Variants in SCRG1 observed in about 807,000 individuals in gnomAD.
SCRG1 encodes the protein stimulator of chondrogenesis 1.
In SCRG1, 3 loss-of-function variants were observed where a neutral mutation model predicts 7.7. That is an observed-to-expected ratio of 0.39 (90% CI 0.18 to 1.01). The LOEUF is 1.01. Among genes scored for constraint, SCRG1 ranks in the 50% least tolerant of loss-of-function variants. The probability of loss-of-function intolerance (pLI) is 0.36; values close to 1 mark genes in which losing one functional copy is unlikely to be tolerated. For synonymous variants in SCRG1, 46 were observed against 41.2 expected, an observed-to-expected ratio of 1.12 and a Z score of -0.44; for missense variants, 110 against 117.2, an observed-to-expected ratio of 0.94 and a Z score of 0.28.
At chr4:173,490,259 C>A in the SCRG1 span, among the ~76,000 whole-genome samples, 1 of 152,192 alleles carries the variant, frequency 6.6e-6, no homozygotes, top group Non-Finnish European at 1.5e-5. Context: ...TAAATCACTT[C>A]CCAAAGTGTC....
chr4:173,443,769 C>T, the SCRG1 span, among the ~76,000 whole-genome samples: 1 of 152,264 alleles, frequency 6.6e-6, no homozygotes, highest in Non-Finnish European at 1.5e-5. Flanking sequence ...TGAGCTCAAA[C>T]AGTCCTCCAC....
Position 173,387,267 on chromosome 4 carries a change from G to A in SCRG1, c.*1074C>T, listed in dbSNP as rs550785651. 4.2e-4 allele frequency: 64 copies of A among 152,270 alleles called. No homozygotes were observed. The highest frequency in any genetic ancestry group is 1.4e-3 in the African/African-American group (60 of 41,566). The allele number at this position is 152,270 out of a possible 1,614,324, so 9.4% of individuals were successfully genotyped here. ...AAACTTGAGTTAGCAGCTGAAAAAT[G>A]GGGCTGAGAATATTTACCTTGAAGG... is the stretch of plus-strand genomic sequence containing the variant. On this transcript the variant is annotated 3_prime_UTR_variant, in exon 3 of 3. Transcript: ENST00000296506.
the SCRG1 span, among the ~76,000 whole-genome samples, chr4:173,483,346 TGA>T: frequency 4.7e-5 from 2 of 42,582 alleles, no homozygotes; most frequent in African/African-American, 1.5e-4. Flanking sequence ...ATATTACATA[TGA>T]TATATTATAT....
At chr4:173,454,027 G>A in the SCRG1 span, among the ~76,000 whole-genome samples, 3 of 150,046 alleles carry the variant, frequency 2.0e-5, no homozygotes, top group African/African-American at 2.5e-5. Flanking sequence ...GCACTGAGCC[G>A]AGATCGTGCC....
chr4:173,446,682 A>G, the SCRG1 span: 2 of 152,232 alleles, frequency 1.3e-5, no homozygotes, highest in African/African-American at 4.8e-5. Flanking sequence ...CAATTTTAGT[A>G]TAAGTGCTGC....
At chr4:173,506,275 A>G in the SCRG1 span, among the ~76,000 whole-genome samples, 2 of 152,198 alleles carry the variant, frequency 1.3e-5, no homozygotes, top group African/African-American at 4.8e-5. This position sits in a 1 kb window ranked among gnomAD's most constrained non-coding sequence, Gnocchi z 5.3. Context: ...CAAAGTTTCA[A>G]TTCCTTAGAA....
the SCRG1 span, among the ~76,000 whole-genome samples, chr4:173,500,472 T>TTTTG: frequency 6.7e-6 from 1 of 150,122 alleles, no homozygotes; most frequent in African/African-American, 2.5e-5. Flanking sequence ...TTAGTAAATT[T>TTTTG]TGTGTGTGTG....
At chr4:173,518,268 C>T in the SCRG1 span, among the ~76,000 whole-genome samples, 2 of 152,150 alleles carry the variant, frequency 1.3e-5, no homozygotes, top group South Asian at 2.1e-4. Context: ...TGCCTCTCTC[C>T]CGGCCACTGC....
chr4:173,462,663 T>TAAC, the SCRG1 span, among the ~76,000 whole-genome samples: 2 of 152,246 alleles, frequency 1.3e-5, no homozygotes, highest in South Asian at 2.1e-4. Flanking sequence ...CAGAATATTA[T>TAAC]AACACTGTAA....
chr4:173,431,199 G>A, the SCRG1 span, among the ~76,000 whole-genome samples: 1 of 152,136 alleles, frequency 6.6e-6, no homozygotes, highest in African/African-American at 2.4e-5. Context: ...ATGGGCAAAG[G>A]GGTACTGCAT....
chr4:173,439,231 A>G, the SCRG1 span, among the ~76,000 whole-genome samples: 8 of 152,190 alleles, frequency 5.3e-5, no homozygotes, highest in Non-Finnish European at 1.2e-4. Context: ...AAATGATCCA[A>G]GAATAAACTT....
At chr4:173,507,479 G>C in the SCRG1 span, among the ~76,000 whole-genome samples, 10 of 152,310 alleles carry the variant, frequency 6.6e-5, no homozygotes, top group Admixed American at 4.6e-4. The surrounding 1 kb of genome is among the most constrained non-coding windows in gnomAD (Gnocchi z 4.4). Flanking sequence ...CAAAGTGCCA[G>C]GATTACAGGC....
chr4:173,447,880 G>C, the SCRG1 span, among the ~76,000 whole-genome samples: 1 of 152,080 alleles, frequency 6.6e-6, no homozygotes, highest in African/African-American at 2.4e-5. Context: ...CGAGGCAGGC[G>C]AATCACCTGA....
the SCRG1 span, among the ~76,000 whole-genome samples, chr4:173,484,143 A>T: frequency 6.3e-4 from 25 of 39,532 alleles, no homozygotes; most frequent in Non-Finnish European, 1.1e-3. Flanking sequence ...TATAATATAG[A>T]ATATAGAATA....
At chr4:173,517,876 A>G in the SCRG1 span, among the ~76,000 whole-genome samples, 357 of 152,362 alleles carry the variant, frequency 2.3e-3, 4 homozygotes, top group South Asian at 0.02. Flanking sequence ...GCAAAAGGCG[A>G]AAGCTCCCTC....
intron 1 of SCRG1, among the ~76,000 whole-genome samples, chr4:173,396,924 G>A (rs1277507686): frequency 6.6e-6 from 1 of 151,900 alleles, no homozygotes; most frequent in African/African-American, 2.4e-5. Flanking sequence ...GTGGTGTCAT[G>A]TGACTGTAGT....
chr4:173,407,653 A>G (rs1213014329), upstream of SCRG1, among the ~76,000 whole-genome samples: 6 of 152,252 alleles, frequency 3.9e-5, no homozygotes, highest in Non-Finnish European at 8.8e-5. Flanking sequence ...ATTATTTGTA[A>G]TAATCTAGCC....
At chr4:173,483,211 TC>T in the SCRG1 span, among the ~76,000 whole-genome samples, 1 of 51,902 alleles carries the variant, frequency 1.9e-5, no homozygotes, top group Non-Finnish European at 4.1e-5. Context: ...ATATGATATA[TC>T]ATATAATATA....
the SCRG1 span, among the ~76,000 whole-genome samples, chr4:173,463,841 T>C: frequency 6.6e-6 from 1 of 152,266 alleles, no homozygotes; most frequent in African/African-American, 2.4e-5. Context: ...TGGGTGGGGC[T>C]CATATACTAA....
Sources: gnomAD v4.1 joint callset for allele counts (sites outside exome capture counted in the v4.1 genomes callset) on GRCh38, gnomAD v4.1.1 for gene constraint, Gnocchi (gnomAD v3.1) non-coding constraint, MANE v1.5 for transcripts, NCBI Gene and HGNC (gene_info 2026-07-23, HGNC 2026-07-21) for gene names.